Variants in ARHGEF26 observed in about 807,000 individuals in gnomAD.
The protein encoded by ARHGEF26 is Rho guanine nucleotide exchange factor (GEF) 26.
In ARHGEF26, 59 loss-of-function variants were observed where a neutral mutation model predicts 89.4. The ratio of observed to expected loss-of-function variants is 0.66; its 90% CI spans 0.54 to 0.82. ARHGEF26 has a LOEUF of 0.82. Among genes scored for constraint, ARHGEF26 ranks in the 40% least tolerant of loss-of-function variants. The pLI is 0.00. For synonymous variants in ARHGEF26, 500 were observed against 428.4 expected (o/e 1.17, Z -2.06); for missense variants, 1,234 against 1,085.6 (o/e 1.14, Z -1.92).
intron 12 of ARHGEF26, among the ~76,000 whole-genome samples, chr3:154,252,757 G>A (rs939183579): frequency 6.6e-6 from 1 of 152,146 alleles, no homozygotes; most frequent in Non-Finnish European, 1.5e-5. Flanking sequence ...TTTAAAAAAT[G>A]AAACTTAACT....
At chr3:154,204,640 T>C (rs977352154) in intron 9 of ARHGEF26, among the ~76,000 whole-genome samples, 15 of 152,264 alleles carry the variant, frequency 9.9e-5, no homozygotes, top group African/African-American at 3.6e-4. Flanking sequence ...TTTTCCTCTT[T>C]TTTGATTTAT....
intron 11 of ARHGEF26, among the ~76,000 whole-genome samples, chr3:154,240,099 T>C (rs939160827): frequency 6.6e-5 from 10 of 152,166 alleles, no homozygotes; most frequent in South Asian, 6.2e-4. Flanking sequence ...GGATCACTTA[T>C]TATAACAGTT....
At chr3:154,160,609 G>A (rs1711597382) in intron 6 of ARHGEF26, among the ~76,000 whole-genome samples, 1 of 152,138 alleles carries the variant, frequency 6.6e-6, no homozygotes, top group African/African-American at 2.4e-5. Flanking sequence ...ATCTAGACTG[G>A]TAGTGAGGAA....
At chr3:154,148,458 T>A (rs1427726458) in intron 4 of ARHGEF26, among the ~76,000 whole-genome samples, 1 of 152,324 alleles carries the variant, frequency 6.6e-6, no homozygotes, top group East Asian at 1.9e-4. Flanking sequence ...ACTTTAGTTG[T>A]GGGTTTGCCC....
intron 9 of ARHGEF26, among the ~76,000 whole-genome samples, chr3:154,213,407 A>G (rs1715517905): frequency 6.6e-6 from 1 of 151,086 alleles, no homozygotes; most frequent in South Asian, 2.1e-4. Flanking sequence ...GTATGTTCAA[A>G]TTAATGCTTG....
At chr3:154,127,221 A>G (rs1718385500) in intron 3 of ARHGEF26, among the ~76,000 whole-genome samples, 1 of 152,156 alleles carries the variant, frequency 6.6e-6, no homozygotes, top group Non-Finnish European at 1.5e-5. Context: ...CATTAACTTC[A>G]GCTTACTGTA....
At chr3:154,124,853 G>A (rs867740675) in intron 3 of ARHGEF26, among the ~76,000 whole-genome samples, 2 of 152,012 alleles carry the variant, frequency 1.3e-5, no homozygotes, top group Non-Finnish European at 2.9e-5. Flanking sequence ...TTCCACATTT[G>A]ATTATCATTT....
At chr3:154,200,444 G>A (rs1208256230) in intron 9 of ARHGEF26, among the ~76,000 whole-genome samples, 1 of 152,052 alleles carries the variant, frequency 6.6e-6, no homozygotes, top group African/African-American at 2.4e-5. Context: ...CCAGTACCAT[G>A]CTGTCTTGGT....
chr3:154,225,684 TGAA>T (rs942228950), intron 10 of ARHGEF26, 169 bp from the exon 11 acceptor site: 16 of 525,034 alleles, frequency 3.0e-5, no homozygotes, highest in African/African-American at 2.0e-4. Flanking sequence ...CATTTTTTCT[TGAA>T]GAATGCACTG....
chr3:154,192,130 C>G (rs188425020), intron 8 of ARHGEF26, among the ~76,000 whole-genome samples: 1 of 152,174 alleles, frequency 6.6e-6, no homozygotes, highest in East Asian at 1.9e-4. Flanking sequence ...TGGGGTGGCT[C>G]GACACAGGTG....
intron 8 of ARHGEF26, among the ~76,000 whole-genome samples, chr3:154,193,589 T>C (rs1714083535): frequency 6.6e-6 from 1 of 152,196 alleles, no homozygotes; most frequent in Admixed American, 6.5e-5. Flanking sequence ...TAAATGTATT[T>C]AAAATAGTGT....
chr3:154,182,038 T>G (rs577709474), intron 6 of ARHGEF26, among the ~76,000 whole-genome samples: 4 of 151,282 alleles, frequency 2.6e-5, no homozygotes, highest in South Asian at 2.1e-4. Context: ...GGTGGTTGGG[T>G]GTGTGTGTGT....
Position 154,129,719 on chromosome 3 carries a change from GGTGA to G in ARHGEF26, c.1269+4_1269+7del. On this transcript the variant is annotated splice_donor_variant and splice_donor_region_variant and intron_variant, in intron 4 of 14. Transcript: ENST00000465093. LOFTEE classifies it high-confidence loss of function. Reference sequence around the variant, plus strand: ...GATCCACATGGAGCCAACTCTCTGCGGTGAGTGTTTATCTTCTTTTCTATCTGTG... The same window carrying G: ...GATCCACATGGAGCCAACTCTCTGCGGTGTTTATCTTCTTTTCTATCTGTG... 6.2e-7 allele frequency: 1 copy of G among 1,609,304 alleles called. No individual in the cohort carries two copies. Among genetic ancestry groups the G allele is most frequent in the Non-Finnish European group, 8.5e-7 (1 of 1,177,850 alleles).
intron 10 of ARHGEF26, among the ~76,000 whole-genome samples, chr3:154,223,787 A>G (rs930861229): frequency 6.6e-6 from 1 of 152,174 alleles, no homozygotes; most frequent in African/African-American, 2.4e-5. Flanking sequence ...GAACAATATT[A>G]TGAACATACT....
intron 10 of ARHGEF26, among the ~76,000 whole-genome samples, chr3:154,222,774 G>A (rs1021418177): frequency 8.5e-5 from 13 of 152,080 alleles, no homozygotes; most frequent in Non-Finnish European, 1.9e-4. Flanking sequence ...ACAAAGTCAA[G>A]GGACCATTTT....
At chr3:154,226,116 T>C (rs1716469910) in intron 11 of ARHGEF26, 106 bp downstream of exon 11, 1 of 1,019,426 alleles carries the variant, frequency 9.8e-7, no homozygotes, top group South Asian at 2.1e-5. Flanking sequence ...ATGTTGGAAG[T>C]ATAGTTTCTA....
At position 154,158,614 on chromosome 3, in the gene ARHGEF26, A is replaced by G. The variant is rs116195172; in HGVS notation, c.1487+5682A>G. On this transcript the variant is annotated intron_variant, in intron 6 of 14. Coordinates refer to ENST00000465093, the MANE Select transcript of ARHGEF26 (RefSeq NM_015595.4). ...AACTTCTTCCCTCTGACTCAAATTC[A>G]TGAGCTTTTCCTGGTTTCATGATCT... is the stretch of plus-strand genomic sequence containing the variant. Among the ~76,000 whole-genome samples, 962 of 152,246 alleles carry G rather than the reference A, an allele frequency of 6.3e-3. 8 individuals are homozygous for G. Among genetic ancestry groups the G allele is most frequent in the African/African-American group, 0.022 (919 of 41,544 alleles).
intron 9 of ARHGEF26, among the ~76,000 whole-genome samples, chr3:154,214,074 C>A (rs1410294951): frequency 6.6e-6 from 1 of 152,002 alleles, no homozygotes. Context: ...AACACACATG[C>A]AAAAGAGGGA....
Position 154,255,719 on chromosome 3 carries a change from G to A in ARHGEF26, c.*246G>A, listed in dbSNP as rs76419060. Reference sequence around the variant, plus strand: ...CTCCTGAGGTACACAGAATAGCTGAGCAGTTCACTTCAGGGATCAGGTCAT... The same window carrying A: ...CTCCTGAGGTACACAGAATAGCTGAACAGTTCACTTCAGGGATCAGGTCAT... On this transcript the variant is annotated 3_prime_UTR_variant, in exon 15 of 15. Transcript: ENST00000465093. 16 of 1,299,788 alleles carry A rather than the reference G, an allele frequency of 1.2e-5. No individual in the cohort carries two copies. In the South Asian group the frequency reaches 2.6e-4, roughly 21 times the overall value. 80.5% of individuals were successfully genotyped at this position (1,299,788 alleles called of 1,614,324 possible).
Sources: allele counts gnomAD v4.1 joint callset (sites outside exome capture counted in the v4.1 genomes callset), GRCh38; gene constraint gnomAD v4.1.1; transcripts MANE v1.5; gene names NCBI Gene and HGNC (gene_info 2026-07-23, HGNC 2026-07-21).